TMEM132C: variants seen among roughly 807,000 people sequenced by gnomAD.
The protein encoded by TMEM132C is protein phosphatase 1, regulatory subunit 152.
A neutral mutation model predicts 61.4 loss-of-function variants in TMEM132C; 29 were observed. The ratio of observed to expected loss-of-function variants is 0.47; its 90% CI spans 0.35 to 0.64. TMEM132C has a LOEUF of 0.64. Ranked by LOEUF, TMEM132C falls within the 30% of genes least tolerant of loss-of-function variation. TMEM132C has a pLI of 0.00. For synonymous variants in TMEM132C, 656 were observed against 633.1 expected (o/e 1.04, Z -0.54); for missense variants, 1,408 against 1,476.9 (o/e 0.95, Z 0.76).
intron 2 of TMEM132C, among the ~76,000 whole-genome samples, chr12:128,497,772 C>T (rs184236019): frequency 1.1e-4 from 16 of 152,300 alleles, no homozygotes; most frequent in East Asian, 1.9e-4. Flanking sequence ...TGACCCCTTG[C>T]GCTTCCCTGG....
At chr12:128,703,612 G>A (rs1954817668) in intron 8 of TMEM132C, among the ~76,000 whole-genome samples, 1 of 152,208 alleles carries the variant, frequency 6.6e-6, no homozygotes, top group Non-Finnish European at 1.5e-5. Context: ...TAAGCACAAA[G>A]TGGAGAGCCT....
intron 5 of TMEM132C, among the ~76,000 whole-genome samples, chr12:128,671,784 T>A (rs1191668297): frequency 6.6e-6 from 1 of 152,198 alleles, no homozygotes; most frequent in African/African-American, 2.4e-5. Context: ...CTATGACGAT[T>A]CTTCTGACTG....
chr12:128,538,316 G>T (rs1482982000), intron 2 of TMEM132C, among the ~76,000 whole-genome samples: 1 of 152,094 alleles, frequency 6.6e-6, no homozygotes, highest in Non-Finnish European at 1.5e-5. Context: ...TAGAGACGGG[G>T]TTTCACCATG....
In TMEM132C at chr12:128,633,212, C is replaced by G. The variant is rs112493345; in HGVS notation, c.1305+16877C>G. Among the ~76,000 whole-genome samples, 315 of 152,294 alleles carry G rather than the reference C, an allele frequency of 2.1e-3. 1 individual carries two copies. The highest frequency in any genetic ancestry group is 7.1e-3 in the African/African-American group (293 of 41,558). On this transcript the variant is annotated intron_variant, in intron 4 of 8. Transcript: ENST00000435159. ...TAACAACATGGTGGCTGGCTCCCCC[C>G]AGAGATCAAGGCTGCAGAGCCTTTT...
chr12:128,378,071 C>T (rs1438622547), intron 1 of TMEM132C, among the ~76,000 whole-genome samples: 3 of 151,890 alleles, frequency 2.0e-5, no homozygotes, highest in Non-Finnish European at 4.4e-5. Flanking sequence ...TTACTGTGCC[C>T]GTTTTAGAAG....
chr12:128,417,081 AG>A (rs1868807207), intron 2 of TMEM132C, among the ~76,000 whole-genome samples: 1 of 152,162 alleles, frequency 6.6e-6, no homozygotes, highest in African/African-American at 2.4e-5. Flanking sequence ...ATTCAGAAAA[AG>A]GGTCTGAATA....
intron 5 of TMEM132C, among the ~76,000 whole-genome samples, chr12:128,682,945 A>T (rs994308313): frequency 1.4e-4 from 21 of 152,084 alleles, no homozygotes; most frequent in Admixed American, 1.0e-3. Context: ...TAGAGGCATC[A>T]CCGCATTCTC....
intron 3 of TMEM132C, among the ~76,000 whole-genome samples, chr12:128,571,864 C>T (rs775455706): frequency 1.2e-4 from 18 of 152,188 alleles, no homozygotes; most frequent in Non-Finnish European, 2.5e-4. Context: ...TCCTTTCCCC[C>T]GTACCAGGTC....
intron 1 of TMEM132C, among the ~76,000 whole-genome samples, chr12:128,293,224 A>T (rs1322749754): frequency 6.6e-6 from 1 of 152,130 alleles, no homozygotes; most frequent in Non-Finnish European, 1.5e-5. Context: ...CTTTCCAACC[A>T]TTCCAAATAA....
Position 128,290,778 on chromosome 12 carries a change from A to G in TMEM132C, c.85+23291A>G, listed in dbSNP as rs563148934. On this transcript the variant is annotated intron_variant, in intron 1 of 8. Coordinates refer to ENST00000435159, the MANE Select transcript of TMEM132C (RefSeq NM_001136103.3). ...GAGGAGAGAACATGATCCCTTAAAG[A>G]TCCTGTTCTTTATTCTCCAAGCCAA... Among the ~76,000 whole-genome samples, 3 of 151,500 alleles carry G rather than the reference A, an allele frequency of 2.0e-5. No individual in the cohort carries two copies. The South Asian group carries it at 6.3e-4, about 32-fold the overall frequency.
chr12:128,427,387 GGT>G (rs761620460), intron 2 of TMEM132C, among the ~76,000 whole-genome samples: 4,661 of 132,166 alleles, frequency 0.035, 137 homozygotes, highest in African/African-American at 0.078. Flanking sequence ...CTTCCAAAGG[GGT>G]GTGTGTGTGT....
intron 3 of TMEM132C, among the ~76,000 whole-genome samples, chr12:128,598,981 T>G (rs914298069): frequency 6.6e-6 from 1 of 152,162 alleles, no homozygotes; most frequent in African/African-American, 2.4e-5. Context: ...CCTTGCCAAC[T>G]GGATTTTGGC....
intron 2 of TMEM132C, among the ~76,000 whole-genome samples, chr12:128,480,760 T>A (rs929695853): frequency 3.3e-5 from 5 of 152,118 alleles, no homozygotes; most frequent in African/African-American, 1.2e-4. Flanking sequence ...GCCAGGCTGG[T>A]GTGAGGGGGA....
rs544388542 is a variant in TMEM132C, at chr12:128,605,473, A to G, written c.1122-10679A>G. 3.9e-5 allele frequency among the ~76,000 whole-genome samples: 6 copies of G among 152,342 alleles called. No individual in the cohort carries two copies. In the East Asian group the frequency reaches 1.2e-3, roughly 29 times the overall value. ...CTCAGCTGAGGTGTTAATTTCTCCC[A>G]GAAACACCCTCACAGATACACCCAG... On this transcript the variant is annotated intron_variant, in intron 3 of 8. Transcript: ENST00000435159.
At chr12:128,447,243 G>GT (rs1337592892) in intron 2 of TMEM132C, among the ~76,000 whole-genome samples, 2 of 152,172 alleles carry the variant, frequency 1.3e-5, no homozygotes, top group African/African-American at 4.8e-5. Context: ...GATTGGCTGA[G>GT]TTTGGCCACA....
intron 2 of TMEM132C, among the ~76,000 whole-genome samples, chr12:128,416,750 AAG>A (rs1205529437): frequency 6.6e-6 from 1 of 152,212 alleles, no homozygotes; most frequent in Non-Finnish European, 1.5e-5. Flanking sequence ...TTGTCTTCTG[AAG>A]TATGCATCTT....
intron 1 of TMEM132C, among the ~76,000 whole-genome samples, chr12:128,396,466 A>G (rs1192998168): frequency 7.9e-6 from 1 of 127,036 alleles, no homozygotes; most frequent in Admixed American, 7.4e-5. Flanking sequence ...CGGGGCCTAA[A>G]ACCTAGATGA....
intron 2 of TMEM132C, among the ~76,000 whole-genome samples, chr12:128,512,925 C>G (rs997738033): frequency 6.6e-6 from 1 of 152,148 alleles, no homozygotes; most frequent in Non-Finnish European, 1.5e-5. Flanking sequence ...TGAGTTCATG[C>G]GACAGACGTA....
intron 2 of TMEM132C, 143 bp from the exon 3 acceptor site, chr12:128,543,814 T>C (rs978367205): frequency 2.7e-6 from 3 of 1,104,912 alleles, no homozygotes; most frequent in African/African-American, 3.3e-5. Flanking sequence ...TCACCACCAC[T>C]GGGCAGCTTT....
Sources: allele counts gnomAD v4.1 joint callset (sites outside exome capture counted in the v4.1 genomes callset), GRCh38; gene constraint gnomAD v4.1.1; transcripts MANE v1.5; gene names NCBI Gene and HGNC (gene_info 2026-07-23, HGNC 2026-07-21).